The following CCNI variants were observed in gnomAD, a reference collection of about 807,000 sequenced individuals.
CCNI encodes cyclin I.
In CCNI, 14 loss-of-function variants were observed where a neutral mutation model predicts 34.1. That is an observed-to-expected ratio of 0.41 (90% CI 0.27 to 0.64). CCNI has a LOEUF of 0.64. Ranked by LOEUF, CCNI falls within the 30% of genes least tolerant of loss-of-function variation. The pLI, the probability that CCNI is intolerant of heterozygous loss-of-function variation, is 0.31. For missense variants in CCNI, 385 were observed against 440.5 expected, an observed-to-expected ratio of 0.87 and a Z score of 1.13; for synonymous variants, 154 against 158.4, an observed-to-expected ratio of 0.97 and a Z score of 0.21.
Position 77,048,195 on chromosome 4 carries a change from A to G in CCNI, c.*24T>C. On this transcript the variant is annotated 3_prime_UTR_variant, in exon 7 of 7. Coordinates refer to ENST00000237654, the MANE Select transcript of CCNI (RefSeq NM_006835.3). ...CCCAAAGTAGTCTACCTTAGTTTACACTCAAAGGTAGCACTTGTTGAAACT... is the reference window on the plus strand; with the variant it reads ...CCCAAAGTAGTCTACCTTAGTTTACGCTCAAAGGTAGCACTTGTTGAAACT... The G allele has an allele frequency of 6.3e-7, 1 of 1,586,992 alleles. No individual in the cohort carries two copies. Among genetic ancestry groups the G allele is most frequent in the Non-Finnish European group, 8.6e-7 (1 of 1,161,822 alleles).
chr4:77,048,359 C>G lies in CCNI; in HGVS notation c.994G>C (p.Asp332His). Residue 332 changes from aspartate (D) to histidine (H), a missense_variant, in exon 7 of 7, where the codon GAC (aspartate) becomes CAC (histidine). Asp to His is a moderately conservative substitution (Grantham distance 81). Transcript: ENST00000237654. ...KRKVEEMEVD[D>H]FYDGIKRLYN... ...AGCCGTTTGATTCCATCATAGAAGT[C>G]ATCCACTTCCATTTCCTCTACTTTG... is the stretch of plus-strand genomic sequence containing the variant. The G allele has an allele frequency of 6.2e-7, 1 of 1,614,026 alleles. No individual in the cohort carries two copies. The highest frequency in any genetic ancestry group is 8.5e-7 in the Non-Finnish European group (1 of 1,179,958).
chr4:77,067,681 T>G (rs1224497927), intron 1 of CCNI, among the ~76,000 whole-genome samples: 1 of 149,932 alleles, frequency 6.7e-6, no homozygotes, highest in Non-Finnish European at 1.5e-5. Flanking sequence ...TTTTTTTTTT[T>G]TGTAGAGATG....
chr4:77,074,628 G>C (rs1049707738), intron 1 of CCNI, among the ~76,000 whole-genome samples: 3 of 152,164 alleles, frequency 2.0e-5, no homozygotes, highest in Non-Finnish European at 2.9e-5. Flanking sequence ...TGAATTGCAA[G>C]CCACTTAGGA....
chr4:77,075,358 C>T (rs1175347621), intron 1 of CCNI, 114 bp downstream of exon 1: 4 of 235,944 alleles, frequency 1.7e-5, no homozygotes, highest in Non-Finnish European at 2.8e-5. Flanking sequence ...CGGCGAGCAG[C>T]GCGCGGCCAA....
intron 1 of CCNI, among the ~76,000 whole-genome samples, chr4:77,069,441 ATTTTT>A (rs199670468): frequency 6.9e-6 from 1 of 145,964 alleles, no homozygotes; most frequent in Non-Finnish European, 1.5e-5. Flanking sequence ...ATATATATAT[ATTTTT>A]TTTATTATTA....
chr4:77,063,079 G>A lies in CCNI; in HGVS notation c.114+3170C>T, dbSNP rs558317320. 5.3e-5 allele frequency among the ~76,000 whole-genome samples: 8 copies of A among 152,246 alleles called. No homozygotes were observed. In the South Asian group the frequency reaches 1.2e-3, roughly 24 times the overall value. ...TTTGTGCTGTCATAAGGGAAGCAGA[G>A]TGTGGCAGAAACACATAGAAGGTGA... On this transcript the variant is annotated intron_variant, in intron 2 of 6. Transcript: ENST00000237654.
chr4:77,072,452 C>CA (rs11327592), intron 1 of CCNI, among the ~76,000 whole-genome samples: 6,878 of 61,532 alleles, frequency 0.11, 266 homozygotes, highest in African/African-American at 0.17. Flanking sequence ...CTGTCTCCAC[C>CA]AAAAAAAAAA....
At chr4:77,074,919 C>T (rs904131454) in intron 1 of CCNI, 2 of 152,114 alleles carry the variant, frequency 1.3e-5, no homozygotes, top group Non-Finnish European at 2.9e-5. Flanking sequence ...TTAATCTAGC[C>T]TTTAGAGCAC....
chr4:77,056,423 G>A (rs778943762), intron 3 of CCNI, 100 bp from the exon 4 acceptor site: 53 of 780,200 alleles, frequency 6.8e-5, no homozygotes, highest in Non-Finnish European at 1.1e-4. Context: ...GATGAGACAG[G>A]TATACACAAA....
chr4:77,072,679 C>T (rs1049024513), intron 1 of CCNI, among the ~76,000 whole-genome samples: 15 of 145,520 alleles, frequency 1.0e-4, no homozygotes, highest in Admixed American at 9.0e-4. Context: ...AACGAAACTG[C>T]AATACCTGAC....
intron 3 of CCNI, chr4:77,056,589 T>A (rs1385605550): frequency 1.6e-4 from 30 of 184,462 alleles, no homozygotes; most frequent in Non-Finnish European, 2.5e-4. Flanking sequence ...GAGCTAACTT[T>A]TTTTTTTTTT....
At position 77,058,670 on chromosome 4, in the gene CCNI, G is replaced by A. The variant is rs4252873; in HGVS notation, c.115-35C>T. The stretch of plus-strand genomic sequence containing the variant: ...AACAATTTTGAAAACAGAAGACAAA[G>A]TTTGAGCTATCATCAAGAGTATGTT... On this transcript the variant is annotated intron_variant, in intron 2 of 6. Coordinates refer to ENST00000237654, the MANE Select transcript of CCNI (RefSeq NM_006835.3). The A allele has an allele frequency of 1.5e-5, 24 of 1,593,012 alleles. No homozygotes were observed. In the South Asian group the frequency reaches 2.5e-4, roughly 16 times the overall value.
chr4:77,074,100 T>C (rs1021031535), intron 1 of CCNI, among the ~76,000 whole-genome samples: 5 of 152,234 alleles, frequency 3.3e-5, no homozygotes, highest in Admixed American at 1.3e-4. Flanking sequence ...TCATTTTTAA[T>C]GTATTACACA....
chr4:77,057,242 T>C (rs1411784294), intron 3 of CCNI, among the ~76,000 whole-genome samples: 1 of 152,220 alleles, frequency 6.6e-6, no homozygotes, highest in Non-Finnish European at 1.5e-5. Flanking sequence ...GTGTCCTTTC[T>C]TGGACAGTAC....
At chr4:77,068,465 G>C (rs1192061015) in intron 1 of CCNI, among the ~76,000 whole-genome samples, 1 of 152,126 alleles carries the variant, frequency 6.6e-6, no homozygotes, top group Non-Finnish European at 1.5e-5. Context: ...AAACTGAAAT[G>C]TCAAAAAACA....
At position 77,071,115 on chromosome 4, in the gene CCNI, G is replaced by A. The variant is rs138039527; in HGVS notation, c.-44+4357C>T. ...AAGATTATTTTTAGGGGGTTTAGAT[G>A]GTACAGAAAGAGACACATAAAGTAG... On this transcript the variant is annotated intron_variant, in intron 1 of 6. Transcript: ENST00000237654. 3.9e-3 allele frequency among the ~76,000 whole-genome samples: 596 copies of A among 152,206 alleles called. 3 individuals carry two copies. The highest frequency in any genetic ancestry group is 0.013 in the African/African-American group (559 of 41,524).
chr4:77,066,119 G>A (rs1316234213), intron 2 of CCNI, 130 bp downstream of exon 2: 2 of 713,804 alleles, frequency 2.8e-6, no homozygotes, highest in Non-Finnish European at 4.6e-6. Flanking sequence ...GAAACAGGGA[G>A]AGTCTCTCAA....
Position 77,048,448 on chromosome 4 carries a change from C to A in CCNI, c.905G>T (p.Gly302Val), listed in dbSNP as rs765818485. 6.2e-7 allele frequency: 1 copy of A among 1,614,106 alleles called. No individual in the cohort carries two copies. Among genetic ancestry groups the A allele is most frequent in the Non-Finnish European group, 8.5e-7 (1 of 1,179,998 alleles). ...GAGATGATGGTAAAAGGCTGCTGTA[C>A]CTCTGACTGGCACTTCTGGCTTGCT... ...DNSKPEVPVRGTAAFYHHLPA... is the reference protein window; with the variant it reads ...DNSKPEVPVRVTAAFYHHLPA... Residue 302 changes from glycine (G) to valine (V), a missense_variant, in exon 7 of 7, where the codon GGT becomes GTT. Gly to Val is a moderately radical substitution (Grantham distance 109). This residue lies in a region of CCNI where 250 missense variants were observed against 248.7 expected (regional missense o/e 1.01). Transcript: ENST00000237654.
At chr4:77,066,973 C>T (rs1729076630) in intron 1 of CCNI, among the ~76,000 whole-genome samples, 1 of 152,164 alleles carries the variant, frequency 6.6e-6, no homozygotes, top group East Asian at 1.9e-4. Flanking sequence ...GTGGCTCACG[C>T]CTGTAATCCC....
Sources: allele counts gnomAD v4.1 joint callset (sites outside exome capture counted in the v4.1 genomes callset), GRCh38; gene constraint gnomAD v4.1.1; regional missense constraint gnomAD v4.1.1; transcripts MANE v1.5; gene names NCBI Gene and HGNC (gene_info 2026-07-23, HGNC 2026-07-21).